PLCB4: variants seen among roughly 807,000 people sequenced by gnomAD.
The protein encoded by PLCB4 is 1-phosphatidylinositol 4,5-bisphosphate phosphodiesterase beta-4.
A neutral mutation model predicts 178.8 loss-of-function variants in PLCB4; 77 were observed. The observed-to-expected ratio is 0.43, with a 90% CI of 0.36 to 0.52. The LOEUF (loss-of-function observed/expected upper bound fraction) is 0.52, where lower values mean the gene tolerates loss of function less well. Among genes scored for constraint, PLCB4 ranks in the 20% least tolerant of loss-of-function variants. The pLI, the probability that PLCB4 is intolerant of heterozygous loss-of-function variation, is 0.00. For missense variants in PLCB4, 1,024 were observed against 1,453.4 expected (o/e 0.70, Z 4.80); for synonymous variants, 496 against 490.8 (o/e 1.01, Z -0.14).
At chr20:9,137,923 A>G (rs1314553548) in intron 2 of PLCB4, among the ~76,000 whole-genome samples, 1 of 152,122 alleles carries the variant, frequency 6.6e-6, no homozygotes, top group Admixed American at 6.6e-5. Flanking sequence ...CTTTCAAGGA[A>G]ATCACAATGT....
At chr20:9,181,715 C>A (rs933431839) in intron 2 of PLCB4, among the ~76,000 whole-genome samples, 1 of 152,082 alleles carries the variant, frequency 6.6e-6, no homozygotes, top group East Asian at 1.9e-4. Context: ...ACTCTAATTA[C>A]CTCCCAAAGA....
intron 2 of PLCB4, among the ~76,000 whole-genome samples, chr20:9,131,032 G>A (rs2092259311): frequency 6.6e-6 from 1 of 152,122 alleles, no homozygotes; most frequent in Non-Finnish European, 1.5e-5. Flanking sequence ...AAGTTACATT[G>A]CATGCTTAGG....
chr20:9,299,085 G>C (rs192825456), intron 3 of PLCB4, among the ~76,000 whole-genome samples: 2 of 152,092 alleles, frequency 1.3e-5, no homozygotes, highest in East Asian at 3.9e-4. Flanking sequence ...AATGAATAAG[G>C]ATCAGTCATA....
At chr20:9,280,674 T>G (rs189854037) in intron 3 of PLCB4, among the ~76,000 whole-genome samples, 70 of 152,112 alleles carry the variant, frequency 4.6e-4, no homozygotes, top group Admixed American at 4.0e-3. Context: ...GCATCAGCTC[T>G]TCTTGTCTTT....
chr20:9,411,000 GAAGAC>G (rs1368345092), intron 24 of PLCB4, 32 bp from the exon 25 acceptor site: 2 of 1,528,736 alleles, frequency 1.3e-6, no homozygotes. Context: ...TTTTGTCTAG[GAAGAC>G]AAGATGCTAA....
At chr20:9,332,154 A>G (rs1473038059) in intron 4 of PLCB4, among the ~76,000 whole-genome samples, 1 of 152,210 alleles carries the variant, frequency 6.6e-6, no homozygotes, top group African/African-American at 2.4e-5. Flanking sequence ...TGCAAAACAA[A>G]TAGATTCCCA....
chr20:9,167,774 CAT>C (rs1247551134), intron 2 of PLCB4, among the ~76,000 whole-genome samples: 1 of 152,164 alleles, frequency 6.6e-6, no homozygotes, highest in Non-Finnish European at 1.5e-5. Context: ...GCTTTAGAAA[CAT>C]ATTTCATATT....
At chr20:9,282,481 T>G (rs534513408) in intron 3 of PLCB4, among the ~76,000 whole-genome samples, 3 of 152,122 alleles carry the variant, frequency 2.0e-5, no homozygotes, top group East Asian at 3.9e-4. Flanking sequence ...TTTGCAAGTT[T>G]CTAATTGCTT....
intron 2 of PLCB4, among the ~76,000 whole-genome samples, chr20:9,190,679 C>G (rs140577163): frequency 2.0e-5 from 3 of 152,112 alleles, no homozygotes; most frequent in South Asian, 2.1e-4. Context: ...AAAATAACTA[C>G]GAGGATGTGG....
intron 1 of PLCB4, among the ~76,000 whole-genome samples, chr20:9,094,316 T>C (rs2090810956): frequency 6.6e-6 from 1 of 152,154 alleles, no homozygotes; most frequent in South Asian, 2.1e-4. Context: ...TTGAAATAAA[T>C]ATTCAAAGCC....
intron 3 of PLCB4, among the ~76,000 whole-genome samples, chr20:9,219,755 ATTC>A (rs2093776161): frequency 6.6e-6 from 1 of 152,136 alleles, no homozygotes; most frequent in South Asian, 2.1e-4. Flanking sequence ...CTAAAATCTG[ATTC>A]TTCTATAATA....
At chr20:9,351,902 A>T (rs550321998) in intron 7 of PLCB4, among the ~76,000 whole-genome samples, 1 of 152,310 alleles carries the variant, frequency 6.6e-6, no homozygotes, top group East Asian at 1.9e-4. Flanking sequence ...GTGACCGATA[A>T]ATACAGGCCA....
intron 4 of PLCB4, among the ~76,000 whole-genome samples, chr20:9,322,356 A>G (rs1015483748): frequency 2.0e-5 from 3 of 152,204 alleles, no homozygotes; most frequent in Admixed American, 2.0e-4. Flanking sequence ...ATAGACATAA[A>G]ATATTGTCAG....
chr20:9,187,343 C>T (rs1469597840), intron 2 of PLCB4, among the ~76,000 whole-genome samples: 1 of 152,144 alleles, frequency 6.6e-6, no homozygotes, highest in Non-Finnish European at 1.5e-5. Flanking sequence ...AACACCAGCA[C>T]CACTTCCTGC....
At chr20:9,317,620 T>C (rs2094913070) in intron 4 of PLCB4, among the ~76,000 whole-genome samples, 1 of 152,128 alleles carries the variant, frequency 6.6e-6, no homozygotes, top group African/African-American at 2.4e-5. Flanking sequence ...AAATGTGAGA[T>C]GCATCCATTA....
chr20:9,449,329 G>A (rs1363390580), intron 32 of PLCB4, among the ~76,000 whole-genome samples: 4 of 152,014 alleles, frequency 2.6e-5, no homozygotes, highest in South Asian at 2.1e-4. Flanking sequence ...CTCCAGTAAC[G>A]TGTTAGAAGG....
intron 33 of PLCB4, among the ~76,000 whole-genome samples, chr20:9,456,913 C>A (rs149116437): frequency 6.6e-6 from 1 of 152,154 alleles, no homozygotes; most frequent in Non-Finnish European, 1.5e-5. Context: ...GCTGGGCACT[C>A]GCCTAGCATA....
At chr20:9,386,080 C>T (rs1345875550) in intron 14 of PLCB4, among the ~76,000 whole-genome samples, 5 of 152,180 alleles carry the variant, frequency 3.3e-5, no homozygotes, top group Non-Finnish European at 7.3e-5. Flanking sequence ...GGGCGATACC[C>T]CATCTCCTCC....
At chr20:9,203,845 T>TTTTGAGGTCTTTTGA (rs1353049503) in intron 2 of PLCB4, among the ~76,000 whole-genome samples, 14 of 149,680 alleles carry the variant, frequency 9.4e-5, no homozygotes, top group Non-Finnish European at 2.1e-4. Flanking sequence ...GAGATTGCAC[T>TTTTGAGGTCTTTTGA]GGTCTTTTGA....
Sources: gnomAD v4.1 joint callset for allele counts (sites outside exome capture counted in the v4.1 genomes callset) on GRCh38, gnomAD v4.1.1 for gene constraint, MANE v1.5 for transcripts, NCBI Gene and HGNC (gene_info 2026-07-23, HGNC 2026-07-21) for gene names.